SCHIP1: variants seen among roughly 807,000 people sequenced by gnomAD.
SCHIP1 encodes the protein schwannomin interacting protein 1, also known as schwannomin-interacting protein 1.
Under a neutral mutation model 29.7 loss-of-function variants are expected in SCHIP1, and 8 were observed. The observed-to-expected ratio is 0.27, with a 90% CI of 0.16 to 0.49. The LOEUF is 0.49. SCHIP1 is among the 20% of genes least tolerant of loss of function. The pLI, the probability that SCHIP1 is intolerant of heterozygous loss-of-function variation, is 0.99. For synonymous variants in SCHIP1, 76 were observed against 94.9 expected, an observed-to-expected ratio of 0.80 and a Z score of 1.16; for missense variants, 193 against 294.6, an observed-to-expected ratio of 0.66 and a Z score of 2.52.
chr3:159,422,833 T>C, the SCHIP1 span, among the ~76,000 whole-genome samples: 4 of 152,226 alleles, frequency 2.6e-5, no homozygotes, highest in African/African-American at 4.8e-5. Flanking sequence ...CAAAATTTAC[T>C]TGTCTTTTCA....
chr3:159,584,618 A>G, the SCHIP1 span, among the ~76,000 whole-genome samples: 1 of 152,136 alleles, frequency 6.6e-6, no homozygotes, highest in East Asian at 1.9e-4. Flanking sequence ...GCCCAGCAAT[A>G]CCATCAAAAC....
chr3:159,367,947 C>A, the SCHIP1 span, among the ~76,000 whole-genome samples: 1 of 152,168 alleles, frequency 6.6e-6, no homozygotes, highest in Non-Finnish European at 1.5e-5. Context: ...TTAACTTGTT[C>A]ATAAGATAGC....
the SCHIP1 span, among the ~76,000 whole-genome samples, chr3:159,506,391 A>G: frequency 6.6e-6 from 1 of 152,166 alleles, no homozygotes; most frequent in Admixed American, 6.5e-5. Context: ...AGTAGATTGC[A>G]AAAGTTTTCT....
chr3:159,802,359 T>C, the SCHIP1 span, among the ~76,000 whole-genome samples: 2 of 152,234 alleles, frequency 1.3e-5, no homozygotes, highest in Non-Finnish European at 2.9e-5. Flanking sequence ...ATCTAATTGA[T>C]AGTTGCAAGT....
chr3:159,440,807 A>G, the SCHIP1 span, among the ~76,000 whole-genome samples: 20 of 152,186 alleles, frequency 1.3e-4, no homozygotes, highest in African/African-American at 4.1e-4. Context: ...TGGTTGACTC[A>G]GCATACATAC....
chr3:159,656,059 T>A, the SCHIP1 span, among the ~76,000 whole-genome samples: 1 of 152,216 alleles, frequency 6.6e-6, no homozygotes, highest in African/African-American at 2.4e-5. Flanking sequence ...GTGGATGGCC[T>A]GGCTGTTCAG....
intron 1 of SCHIP1, among the ~76,000 whole-genome samples, chr3:159,852,290 G>T (rs960262274): frequency 6.6e-6 from 1 of 152,208 alleles, no homozygotes; most frequent in Non-Finnish European, 1.5e-5. Context: ...AAGCTTGTCA[G>T]AGTGTAAGAT....
chr3:159,412,279 T>C, the SCHIP1 span, among the ~76,000 whole-genome samples: 1 of 152,210 alleles, frequency 6.6e-6, no homozygotes, highest in African/African-American at 2.4e-5. Context: ...TTAGTTAATG[T>C]CTACCACAGA....
the SCHIP1 span, chr3:159,274,691 A>G: frequency 4.9e-6 from 4 of 820,784 alleles, no homozygotes; most frequent in African/African-American, 5.6e-5. Context: ...TGACCCCAAC[A>G]GATATTTTGA....
the SCHIP1 span, among the ~76,000 whole-genome samples, chr3:159,708,445 T>C: frequency 6.6e-6 from 1 of 152,148 alleles, no homozygotes; most frequent in Admixed American, 6.5e-5. Context: ...TGAAGAGGGA[T>C]GGACAGAAGA....
At chr3:159,357,263 CAG>C in the SCHIP1 span, among the ~76,000 whole-genome samples, 1 of 152,162 alleles carries the variant, frequency 6.6e-6, no homozygotes. Context: ...AGAGACCCCA[CAG>C]AATTTACTAG....
chr3:159,809,290 G>A, the SCHIP1 span, among the ~76,000 whole-genome samples: 248 of 152,126 alleles, frequency 1.6e-3, 2 homozygotes, highest in African/African-American at 5.7e-3. Context: ...TCCAAGTTTC[G>A]TCCATGTCCC....
chr3:159,280,620 A>G, the SCHIP1 span, among the ~76,000 whole-genome samples: 2 of 152,130 alleles, frequency 1.3e-5, no homozygotes, highest in East Asian at 3.9e-4. Context: ...TCACATTATT[A>G]TTTTCACAAG....
At chr3:159,812,190 C>T in the SCHIP1 span, among the ~76,000 whole-genome samples, 2 of 151,924 alleles carry the variant, frequency 1.3e-5, no homozygotes, top group African/African-American at 2.4e-5. Flanking sequence ...AGGCTGGTCT[C>T]GAACTACTGG....
the SCHIP1 span, among the ~76,000 whole-genome samples, chr3:159,751,625 A>G: frequency 6.6e-6 from 1 of 151,744 alleles, no homozygotes; most frequent in Non-Finnish European, 1.5e-5. Context: ...GCTCACTGCA[A>G]GCTCTGCCTC....
At chr3:159,859,050 T>C (rs1713734731) in intron 1 of SCHIP1, among the ~76,000 whole-genome samples, 1 of 152,218 alleles carries the variant, frequency 6.6e-6, no homozygotes, top group Non-Finnish European at 1.5e-5. Flanking sequence ...CGTTCAGTGA[T>C]GCAATTGAAA....
At chr3:159,851,117 T>A (rs1421039962) in intron 1 of SCHIP1, among the ~76,000 whole-genome samples, 2 of 151,934 alleles carry the variant, frequency 1.3e-5, no homozygotes, top group African/African-American at 4.8e-5. Flanking sequence ...CTACAAAAAA[T>A]TTTTTAAATT....
chr3:159,658,941 G>A, the SCHIP1 span, among the ~76,000 whole-genome samples: 2 of 152,144 alleles, frequency 1.3e-5, no homozygotes, highest in Non-Finnish European at 2.9e-5. Context: ...TCCAACAAAC[G>A]TTTACTCTGT....
chr3:159,281,530 G>A, the SCHIP1 span, among the ~76,000 whole-genome samples: 1 of 152,170 alleles, frequency 6.6e-6, no homozygotes, highest in African/African-American at 2.4e-5. Context: ...CTTAATGTAT[G>A]TACATTTTGT....
Sources: gnomAD v4.1 joint callset for allele counts (sites outside exome capture counted in the v4.1 genomes callset) on GRCh38, gnomAD v4.1.1 for gene constraint, MANE v1.5 for transcripts, NCBI Gene and HGNC (gene_info 2026-07-23, HGNC 2026-07-21) for gene names.